The following NMBR variants were observed in gnomAD, a reference collection of about 807,000 sequenced individuals.
NMBR encodes the protein neuromedin-B receptor.
NMBR carries 16 observed loss-of-function variants against 20.5 expected under a neutral mutation model. The observed-to-expected ratio is 0.78, with a 90% CI of 0.53 to 1.19. The LOEUF is 1.19. Ranked by LOEUF, NMBR falls within the 50% of genes most tolerant of loss-of-function variation. The probability of loss-of-function intolerance (pLI) is 0.00; values close to 1 mark genes in which losing one functional copy is unlikely to be tolerated. For missense variants in NMBR, 582 were observed against 499.1 expected (o/e 1.17, Z -1.58); for synonymous variants, 212 against 196.6 (o/e 1.08, Z -0.65).
At chr6:142,094,969 A>T (rs529002926) in intron 1 of NMBR, among the ~76,000 whole-genome samples, 2 of 152,178 alleles carry the variant, frequency 1.3e-5, no homozygotes, top group Admixed American at 6.5e-5. Context: ...TTATTGGTGT[A>T]TAAGAATGCT....
intron 1 of NMBR, among the ~76,000 whole-genome samples, chr6:142,106,371 C>A (rs1385333432): frequency 6.6e-6 from 1 of 152,154 alleles, no homozygotes; most frequent in Non-Finnish European, 1.5e-5. Context: ...TATCCAGACC[C>A]CCAAATCCCG....
intron 2 of NMBR, among the ~76,000 whole-genome samples, chr6:142,086,864 A>G (rs916469717): frequency 1.3e-5 from 2 of 152,184 alleles, no homozygotes; most frequent in African/African-American, 4.8e-5. Context: ...AAGCACAATG[A>G]TAGTAATTTA....
chr6:142,146,882 G>A (rs1421007194), intron 1 of NMBR, among the ~76,000 whole-genome samples, 162 bp downstream of exon 1: 1 of 152,122 alleles, frequency 6.6e-6, no homozygotes, highest in Non-Finnish European at 1.5e-5. Context: ...CATATTAACT[G>A]GAAGTGGTAA....
intron 2 of NMBR, among the ~76,000 whole-genome samples, chr6:142,080,283 G>T (rs1777068202): frequency 7.2e-6 from 1 of 139,382 alleles, no homozygotes. Context: ...CTATTCCTAT[G>T]TTATATGTGC....
Position 142,076,011 on chromosome 6 carries a change from G to A in NMBR, c.810C>T (p.Val270=), listed in dbSNP as rs1301687445. 1 of 1,603,344 alleles carries A rather than the reference G, an allele frequency of 6.2e-7. No homozygotes were observed. The highest frequency in any genetic ancestry group is 1.1e-5 in the South Asian group (1 of 88,932). ...TRKRLAKIVL[V]FVGCFIFCWF... Reference sequence around the variant, plus strand: ...AACAGAAGATGAAACAGCCCACAAAGACAAGCACAATTTTAGCCAGGCGTT... The same window carrying A: ...AACAGAAGATGAAACAGCCCACAAAAACAAGCACAATTTTAGCCAGGCGTT... The change falls in exon 4 of 4, where the codon GTC becomes GTT. Residue 270 remains valine, a synonymous_variant. Coordinates refer to ENST00000258042, the MANE Select transcript of NMBR (RefSeq NM_002511.4).
At chr6:142,132,313 G>A (rs76610887) in intron 1 of NMBR, among the ~76,000 whole-genome samples, 2,338 of 152,288 alleles carry the variant, frequency 0.015, 50 homozygotes, top group South Asian at 0.07. Context: ...ATGTAAGTCA[G>A]AAGGTAGTTA....
At chr6:142,102,500 G>A (rs554821808) in intron 1 of NMBR, among the ~76,000 whole-genome samples, 163 of 151,954 alleles carry the variant, frequency 1.1e-3, no homozygotes, top group African/African-American at 3.9e-3. Flanking sequence ...GAAACAAGAA[G>A]TACAAGCAAC....
intron 1 of NMBR, among the ~76,000 whole-genome samples, chr6:142,095,689 C>G (rs1356387777): frequency 6.6e-6 from 1 of 152,202 alleles, no homozygotes; most frequent in East Asian, 1.9e-4. Flanking sequence ...GGAGGATTCC[C>G]TCTTTTTCTA....
intron 1 of NMBR, among the ~76,000 whole-genome samples, chr6:142,113,475 T>A (rs1219061242): frequency 6.6e-6 from 1 of 152,208 alleles, no homozygotes; most frequent in East Asian, 1.9e-4. Context: ...AAAATAGATT[T>A]ATTCTATATA....
chr6:142,097,818 T>C (rs1430026358), intron 1 of NMBR, among the ~76,000 whole-genome samples: 1 of 151,930 alleles, frequency 6.6e-6, no homozygotes, highest in Non-Finnish European at 1.5e-5. Flanking sequence ...TTCCATGTGT[T>C]GAAGAAGGAA....
intron 1 of NMBR, among the ~76,000 whole-genome samples, chr6:142,105,464 C>A (rs1402149480): frequency 6.6e-6 from 1 of 152,166 alleles, no homozygotes; most frequent in Non-Finnish European, 1.5e-5. Context: ...AATCTGTCAT[C>A]TTTAACCACA....
chr6:142,128,431 C>T (rs1778078570), intron 1 of NMBR, among the ~76,000 whole-genome samples: 1 of 152,034 alleles, frequency 6.6e-6, no homozygotes, highest in Non-Finnish European at 1.5e-5. Flanking sequence ...ATGTGGGCAT[C>T]CTTACTTTGT....
intron 1 of NMBR, among the ~76,000 whole-genome samples, chr6:142,095,085 A>G (rs560166617): frequency 7.2e-5 from 11 of 152,250 alleles, no homozygotes; most frequent in African/African-American, 2.6e-4. Context: ...ATATACAATC[A>G]TGTCATCTGC....
At chr6:142,086,019 C>CTCT (rs1327766751) in intron 2 of NMBR, among the ~76,000 whole-genome samples, 7 of 143,242 alleles carry the variant, frequency 4.9e-5, no homozygotes, top group Non-Finnish European at 1.1e-4. Context: ...AGCTCCTGTA[C>CTCT]TCTTTTTTTT....
At chr6:142,111,233 C>G (rs1160970642) in intron 1 of NMBR, among the ~76,000 whole-genome samples, 1 of 151,168 alleles carries the variant, frequency 6.6e-6, no homozygotes. Context: ...GAGTGAGACT[C>G]CAACTCAAAA....
At chr6:142,141,044 T>C (rs1426375235) in intron 1 of NMBR, among the ~76,000 whole-genome samples, 1 of 152,186 alleles carries the variant, frequency 6.6e-6, no homozygotes, top group Non-Finnish European at 1.5e-5. Flanking sequence ...TCAAAAAGGA[T>C]ATAGAGGATT....
chr6:142,122,503 C>T (rs962027060), intron 1 of NMBR, among the ~76,000 whole-genome samples: 1 of 151,928 alleles, frequency 6.6e-6, no homozygotes, highest in Non-Finnish European at 1.5e-5. Flanking sequence ...GGTGGCAACA[C>T]AAAACAACAG....
intron 3 of NMBR, 87 bp from the exon 4 acceptor site, chr6:142,076,136 AT>A: frequency 9.4e-7 from 1 of 1,063,998 alleles, no homozygotes; most frequent in Non-Finnish European, 1.4e-6. Context: ...AAAGAGCAAA[AT>A]TTACAGCATG....
chr6:142,080,701 A>G (rs1332823893), intron 2 of NMBR, among the ~76,000 whole-genome samples: 1 of 152,166 alleles, frequency 6.6e-6, no homozygotes, highest in Non-Finnish European at 1.5e-5. Flanking sequence ...ATCTCTCCCA[A>G]TAAATTTGCA....
Sources: gnomAD v4.1 joint callset for allele counts (sites outside exome capture counted in the v4.1 genomes callset) on GRCh38, gnomAD v4.1.1 for gene constraint, MANE v1.5 for transcripts, NCBI Gene and HGNC (gene_info 2026-07-23, HGNC 2026-07-21) for gene names.